Variants in SYNE2 observed in about 807,000 individuals in gnomAD.
SYNE2 encodes nesprin-2.
Under a neutral mutation model 856.3 loss-of-function variants are expected in SYNE2, and 431 were observed. The observed-to-expected ratio is 0.50, with a 90% CI of 0.47 to 0.55. The LOEUF is 0.55. SYNE2 is among the 20% of genes least tolerant of loss of function. The probability of loss-of-function intolerance (pLI) is 0.00; values close to 1 mark genes in which losing one functional copy is unlikely to be tolerated. For missense variants in SYNE2, 8,129 were observed against 8,023.2 expected (o/e 1.01, Z -0.50); for synonymous variants, 2,923 against 2,872.3 (o/e 1.02, Z -0.56).
chr14:64,096,653 G>C (rs1017962983), intron 61 of SYNE2, among the ~76,000 whole-genome samples: 7 of 152,200 alleles, frequency 4.6e-5, no homozygotes, highest in African/African-American at 1.7e-4. Context: ...TTTGACTTCA[G>C]ACAGAATAGG....
chr14:64,032,384 C>A (rs1344633315), intron 45 of SYNE2, among the ~76,000 whole-genome samples: 1 of 151,964 alleles, frequency 6.6e-6, no homozygotes. Flanking sequence ...TAGCAAGAAC[C>A]CTGTCTCTAC....
chr14:63,966,157 A>G (rs1204524863), intron 10 of SYNE2, among the ~76,000 whole-genome samples: 1 of 152,122 alleles, frequency 6.6e-6, no homozygotes, highest in Non-Finnish European at 1.5e-5. Context: ...TTTTGTGAAT[A>G]AAACGTTATT....
rs1319034744 is a variant in SYNE2, at chr14:64,001,036, A to G, written c.3638+317A>G. Among the ~76,000 whole-genome samples the G allele has an allele frequency of 2.6e-5, 4 of 152,294 alleles. No homozygotes were observed. In the East Asian group the frequency reaches 5.8e-4, roughly 22 times the overall value. On this transcript the variant is annotated intron_variant, in intron 28 of 115. Coordinates refer to ENST00000555002, the MANE Select transcript of SYNE2 (RefSeq NM_182914.3). ...AATTCGACCAAGTCACATAAACTCT[A>G]TGGGCATTGATCTCTTCATTTCTGA...
chr14:63,886,591 C>G (rs758255311), intron 1 of SYNE2, among the ~76,000 whole-genome samples: 1 of 152,122 alleles, frequency 6.6e-6, no homozygotes, highest in East Asian at 1.9e-4. Context: ...TTAGATGTCT[C>G]AACTGACAGA....
chr14:64,202,505 T>G (rs1169785814), intron 99 of SYNE2, among the ~76,000 whole-genome samples: 1 of 152,168 alleles, frequency 6.6e-6, no homozygotes, highest in African/African-American at 2.4e-5. Context: ...GAAGATGAAC[T>G]GGGTCTCAGG....
chr14:64,010,226 T>A, intron 32 of SYNE2, 110 bp downstream of exon 32: 1 of 1,192,866 alleles, frequency 8.4e-7, no homozygotes, highest in South Asian at 1.4e-5. Flanking sequence ...TAAAAGAAGT[T>A]ACTAGTGACC....
chr14:64,080,323 C>T (rs1414158007), intron 55 of SYNE2, 133 bp from the exon 56 acceptor site: 3 of 939,848 alleles, frequency 3.2e-6, no homozygotes, highest in Non-Finnish European at 3.4e-6. Context: ...TATAAATTAA[C>T]AACTGTTCAT....
Position 63,867,182 on chromosome 14 carries a change from A to G in SYNE2, c.-52+14039A>G, listed in dbSNP as rs142284366. ...TGGGCTCCAAAGCCCATGTCCTTAAACAGTACCATGAGAGAACTCTTAATG... is the reference window on the plus strand; with the variant it reads ...TGGGCTCCAAAGCCCATGTCCTTAAGCAGTACCATGAGAGAACTCTTAATG... On this transcript the variant is annotated intron_variant, in intron 1 of 115. Coordinates refer to ENST00000555002, the MANE Select transcript of SYNE2 (RefSeq NM_182914.3). Among the ~76,000 whole-genome samples, 344 of 152,284 alleles carry G rather than the reference A, an allele frequency of 2.3e-3. 3 individuals carry two copies. The South Asian group carries it at 0.024, about 11-fold the overall frequency.
At chr14:63,939,354 T>C (rs1358259274) in intron 2 of SYNE2, among the ~76,000 whole-genome samples, 7 of 149,744 alleles carry the variant, frequency 4.7e-5, no homozygotes, top group South Asian at 2.1e-4. Flanking sequence ...TTTCTTTTTT[T>C]TTTTTTTTTT....
chr14:64,209,178 G>A (rs1024738512), intron 101 of SYNE2: 176 of 809,280 alleles, frequency 2.2e-4, no homozygotes, highest in Non-Finnish European at 3.1e-4. Context: ...CTGTGCTTCC[G>A]TTGACCTAGC....
At chr14:63,847,456 CAAATA>C (rs1444674348) in intron 1 of SYNE2, among the ~76,000 whole-genome samples, 4 of 151,646 alleles carry the variant, frequency 2.6e-5, no homozygotes, top group Non-Finnish European at 5.9e-5. Flanking sequence ...GACCTTATCT[CAAATA>C]AAATAAAAGG....
intron 1 of SYNE2, among the ~76,000 whole-genome samples, chr14:63,797,734 G>T (rs143100460): frequency 1.1e-4 from 17 of 152,310 alleles, no homozygotes; most frequent in African/African-American, 3.8e-4. Context: ...GAGCCACCAC[G>T]CCCAGCCAGA....
In SYNE2 at chr14:64,065,615, G is replaced by C. The variant is rs781092970; in HGVS notation, c.10396G>C (p.Glu3466Gln). 6 of 1,614,156 alleles carry C rather than the reference G, an allele frequency of 3.7e-6. No homozygotes were observed. The highest frequency in any genetic ancestry group is 2.2e-5 in the East Asian group (1 of 44,886). ...TAAAGAGTGGGAGATGTGGTGCGAA[G>C]AACTGAAGCAGGAATGGAAATTTGT... The part of the protein sequence containing the change: ...AAKEWEMWCE[E>Q]LKQEWKFVSE... Residue 3466 changes from glutamate (E) to glutamine (Q), a missense_variant, in exon 51 of 116, where the codon GAA becomes CAA. Physicochemically the swap from Glu to Gln is conservative, Grantham distance 29. This residue lies in a region of SYNE2 where 5,410 missense variants were observed against 5,284.8 expected (regional missense o/e 1.02). Transcript: ENST00000555002.
chr14:63,994,000 G>GT, intron 22 of SYNE2, 31 bp downstream of exon 22: 1 of 1,610,012 alleles, frequency 6.2e-7, no homozygotes, highest in Non-Finnish European at 8.5e-7. Flanking sequence ...CTGAACTTAC[G>GT]TTTTTATATG....
chr14:63,805,868 A>G (rs879807677), intron 1 of SYNE2, among the ~76,000 whole-genome samples: 10 of 152,248 alleles, frequency 6.6e-5, no homozygotes, highest in Non-Finnish European at 1.3e-4. Context: ...GATCAGATCT[A>G]GAAACTTTTG....
chr14:63,848,265 G>A (rs1890297830), upstream of SYNE2: 1 of 152,132 alleles, frequency 6.6e-6, no homozygotes, highest in Non-Finnish European at 1.5e-5. Flanking sequence ...TATTTTTAAA[G>A]GCTTATCAAG....
chr14:64,028,922 G>A (rs1016351610), intron 43 of SYNE2, among the ~76,000 whole-genome samples: 3 of 152,282 alleles, frequency 2.0e-5, no homozygotes, highest in South Asian at 2.1e-4. Flanking sequence ...TGGATCACAA[G>A]GTCAGAAGAT....
chr14:63,975,335 A>C (rs1371341756), intron 11 of SYNE2, among the ~76,000 whole-genome samples: 1 of 150,622 alleles, frequency 6.6e-6, no homozygotes, highest in African/African-American at 2.4e-5. Flanking sequence ...TATGTGTATT[A>C]TTTTGTTTTG....
At chr14:64,100,136 A>C (rs530004410) in intron 63 of SYNE2, 1 of 152,200 alleles carries the variant, frequency 6.6e-6, no homozygotes, top group Non-Finnish European at 1.5e-5. Context: ...TACACCATGG[A>C]ATACTATGCA....
Sources: gnomAD v4.1 joint callset for allele counts (sites outside exome capture counted in the v4.1 genomes callset) on GRCh38, gnomAD v4.1.1 for gene constraint, gnomAD v4.1.1 regional missense constraint, MANE v1.5 for transcripts, NCBI Gene and HGNC (gene_info 2026-07-23, HGNC 2026-07-21) for gene names.